Variants in NELL1 observed in about 807,000 individuals in gnomAD.
NELL1 encodes neural EGFL like 1, also known as protein kinase C-binding protein NELL1.
A neutral mutation model predicts 107.4 loss-of-function variants in NELL1; 76 were observed. The ratio of observed to expected loss-of-function variants is 0.71; its 90% CI spans 0.59 to 0.86. The LOEUF is 0.86. Ranked by LOEUF, NELL1 falls within the 40% of genes least tolerant of loss-of-function variation. The pLI, the probability that NELL1 is intolerant of heterozygous loss-of-function variation, is 0.00. For synonymous variants in NELL1, 353 were observed against 341.2 expected (o/e 1.03, Z -0.38); for missense variants, 1,024 against 1,005.5 (o/e 1.02, Z -0.25).
chr11:20,958,465 A>T (rs772333676), intron 11 of NELL1, among the ~76,000 whole-genome samples: 9 of 152,180 alleles, frequency 5.9e-5, no homozygotes, highest in Non-Finnish European at 1.2e-4. Context: ...TCTTAAAAGC[A>T]TCCACAGAGA....
intron 15 of NELL1, among the ~76,000 whole-genome samples, chr11:21,399,974 G>A (rs536721018): frequency 1.1e-3 from 174 of 151,892 alleles, no homozygotes; most frequent in Non-Finnish European, 2.1e-3. Flanking sequence ...TTACTAACTA[G>A]TTTAGGATCT....
At chr11:21,481,036 T>A (rs2133899852) in intron 15 of NELL1, among the ~76,000 whole-genome samples, 1 of 152,348 alleles carries the variant, frequency 6.6e-6, no homozygotes, top group Non-Finnish European at 1.5e-5. Flanking sequence ...AATGGAGGGC[T>A]TTACAATGCC....
chr11:20,840,914 G>A (rs1848610003), intron 3 of NELL1, among the ~76,000 whole-genome samples: 1 of 152,220 alleles, frequency 6.6e-6, no homozygotes, highest in African/African-American at 2.4e-5. Context: ...ACACAGGACA[G>A]GAGATGACAG....
At chr11:21,114,357 A>C (rs907442576) in intron 13 of NELL1, among the ~76,000 whole-genome samples, 3 of 151,992 alleles carry the variant, frequency 2.0e-5, no homozygotes, top group African/African-American at 7.2e-5. Flanking sequence ...GTGGTAGAAG[A>C]TTCCAAGTTT....
chr11:20,971,118 T>C (rs2134229560), intron 12 of NELL1, among the ~76,000 whole-genome samples: 1 of 152,214 alleles, frequency 6.6e-6, no homozygotes, highest in Middle Eastern at 3.4e-3. Context: ...TTTTTCCAGG[T>C]GAATCTATCT....
chr11:21,303,954 C>G (rs1205424821), intron 14 of NELL1, among the ~76,000 whole-genome samples: 2 of 151,874 alleles, frequency 1.3e-5, no homozygotes, highest in African/African-American at 4.8e-5. Context: ...GCAAAAGAGT[C>G]CTCTCTTTAA....
At position 21,512,922 on chromosome 11, in the gene NELL1, T is replaced by G. The variant is rs556240644; in HGVS notation, c.1646-21452T>G. On this transcript the variant is annotated intron_variant, in intron 15 of 19. Transcript: ENST00000357134. ...AACATGTTTCCTGGCAGGTAGCTAA[T>G]GCTCAGCAGATATTTGATGGGTTAA... Among the ~76,000 whole-genome samples, 123 of 152,310 alleles carry G rather than the reference T, an allele frequency of 8.1e-4. No homozygotes were observed. In the Middle Eastern group the frequency reaches 0.021, roughly 25 times the overall value.
chr11:21,229,569 C>T, intron 14 of NELL1, 115 bp downstream of exon 14: 1 of 1,388,108 alleles, frequency 7.2e-7, no homozygotes, highest in Non-Finnish European at 9.9e-7. Context: ...GGTTCCTGCT[C>T]CTGGTTTATC....
intron 16 of NELL1, among the ~76,000 whole-genome samples, chr11:21,538,322 T>C (rs919716452): frequency 2.0e-5 from 3 of 152,152 alleles, no homozygotes; most frequent in Non-Finnish European, 2.9e-5. Context: ...AATATTGATA[T>C]CATAAAGAAC....
At chr11:21,298,945 T>G (rs1849434482) in intron 14 of NELL1, among the ~76,000 whole-genome samples, 1 of 152,036 alleles carries the variant, frequency 6.6e-6, no homozygotes, top group South Asian at 2.1e-4. Context: ...TGTATTTGTC[T>G]AGAGCACTCC....
chr11:21,102,708 A>C (rs1415030656), intron 12 of NELL1, among the ~76,000 whole-genome samples: 2 of 152,186 alleles, frequency 1.3e-5, no homozygotes, highest in Admixed American at 6.5e-5. Context: ...TGGGCACCAG[A>C]TTCTCTCCTA....
intron 12 of NELL1, among the ~76,000 whole-genome samples, chr11:20,998,154 TAAG>T (rs765403455): frequency 2.0e-5 from 3 of 152,172 alleles, no homozygotes; most frequent in African/African-American, 4.8e-5. Flanking sequence ...ATAAGAATAT[TAAG>T]AAGTGAAAAA....
Position 20,847,619 on chromosome 11 carries a change from G to C in NELL1, c.372G>C (p.Glu124Asp), listed in dbSNP as rs1848722975. The C allele has an allele frequency of 6.2e-7, 1 of 1,613,664 alleles. No individual in the cohort carries two copies. Among genetic ancestry groups the C allele is most frequent in the African/African-American group, 1.3e-5 (1 of 74,876 alleles). Residue 124 changes from glutamate (E) to aspartate (D), a missense_variant, in exon 4 of 20, where the codon GAG becomes GAC. Physicochemically the swap from Glu to Asp is conservative, Grantham distance 45. Transcript: ENST00000357134. ...TGGAGAGCAGTGGCCTGAGGGATGAGATTCGGTATCACTACATACACAATG... is the reference window on the plus strand; with the variant it reads ...TGGAGAGCAGTGGCCTGAGGGATGACATTCGGTATCACTACATACACAATG... ...FELESSGLRD[E>D]IRYHYIHNGK...
intron 13 of NELL1, among the ~76,000 whole-genome samples, chr11:21,203,339 CTCT>C: frequency 6.6e-6 from 1 of 151,378 alleles, no homozygotes; most frequent in East Asian, 1.9e-4. Context: ...GGAAAGTTAG[CTCT>C]TCTTGTTGCA....
intron 3 of NELL1, among the ~76,000 whole-genome samples, chr11:20,804,373 C>T (rs1313698311): frequency 1.3e-5 from 2 of 152,120 alleles, no homozygotes; most frequent in Non-Finnish European, 2.9e-5. Context: ...GTAGCTGAGA[C>T]TACAGGCACG....
intron 13 of NELL1, among the ~76,000 whole-genome samples, chr11:21,224,336 G>C (rs1857837877): frequency 6.6e-6 from 1 of 151,942 alleles, no homozygotes; most frequent in Non-Finnish European, 1.5e-5. Flanking sequence ...TTGACCTCCT[G>C]GGCTCAAGTG....
Position 20,669,634 on chromosome 11 carries a change from C to A in NELL1, c.-90C>A. ...CCCCGCCGCCCGCTAGCAAGTTTGGCGGCTCCAAGCCAGGCGCGCCTCAGG... is the reference window on the plus strand; with the variant it reads ...CCCCGCCGCCCGCTAGCAAGTTTGGAGGCTCCAAGCCAGGCGCGCCTCAGG... On this transcript the variant is annotated 5_prime_UTR_variant, in exon 1 of 20. Transcript: ENST00000357134. This position sits in a 1 kb window ranked among gnomAD's most constrained non-coding sequence, Gnocchi z 4.4. 1 of 1,153,344 alleles carries A rather than the reference C, an allele frequency of 8.7e-7. No individual in the cohort carries two copies. Among genetic ancestry groups the A allele is most frequent in the Non-Finnish European group, 1.3e-6 (1 of 781,938 alleles). The allele number at this position is 1,153,344 out of a possible 1,614,324, so 71.4% of individuals were successfully genotyped here. A position where few individuals can be genotyped will look rare whatever the true frequency, so the allele number is the denominator to read the frequency against.
intron 14 of NELL1, among the ~76,000 whole-genome samples, chr11:21,263,518 G>A (rs1220530222): frequency 6.6e-6 from 1 of 151,948 alleles, no homozygotes; most frequent in East Asian, 1.9e-4. Context: ...TGATTTCCCG[G>A]TATTCAATAT....
intron 2 of NELL1, among the ~76,000 whole-genome samples, chr11:20,700,903 T>C (rs1590216001): frequency 6.6e-6 from 1 of 152,342 alleles, no homozygotes; most frequent in Non-Finnish European, 1.5e-5. Flanking sequence ...TAACCCAATC[T>C]ATCACTGATG....
Sources: allele counts gnomAD v4.1 joint callset (sites outside exome capture counted in the v4.1 genomes callset), GRCh38; gene constraint gnomAD v4.1.1; non-coding constraint Gnocchi (gnomAD v3.1); transcripts MANE v1.5; gene names NCBI Gene and HGNC (gene_info 2026-07-23, HGNC 2026-07-21).